PTPRM: variants seen among roughly 807,000 people sequenced by gnomAD.
PTPRM encodes the protein protein tyrosine phosphatase receptor type M, also known as receptor-type tyrosine-protein phosphatase mu.
Under a neutral mutation model 186.7 loss-of-function variants are expected in PTPRM, and 47 were observed. The observed-to-expected ratio is 0.25, with a 90% CI of 0.20 to 0.32. PTPRM has a LOEUF of 0.32. PTPRM is among the 10% of genes least tolerant of loss of function. The pLI is 1.00. For synonymous variants in PTPRM, 668 were observed against 674.9 expected, an observed-to-expected ratio of 0.99 and a Z score of 0.16; for missense variants, 1,494 against 1,865.0, an observed-to-expected ratio of 0.80 and a Z score of 3.66.
intron 23 of PTPRM, among the ~76,000 whole-genome samples, chr18:8,347,780 C>G (rs1320337900): frequency 2.0e-5 from 3 of 152,118 alleles, no homozygotes; most frequent in Admixed American, 6.5e-5. Flanking sequence ...AGTAACTCAA[C>G]CATTTCAGGT....
At chr18:8,325,780 A>G (rs1041311995) in intron 22 of PTPRM, among the ~76,000 whole-genome samples, 7 of 151,408 alleles carry the variant, frequency 4.6e-5, no homozygotes, top group African/African-American at 1.7e-4. Context: ...TGGCTGAACT[A>G]ATTTACATTC....
intron 1 of PTPRM, among the ~76,000 whole-genome samples, chr18:7,580,740 A>G (rs1224092649): frequency 1.3e-5 from 2 of 152,102 alleles, no homozygotes; most frequent in African/African-American, 2.4e-5. Flanking sequence ...TCCCAACCCA[A>G]CCATGTCATC....
chr18:7,592,435 G>C (rs979520971), intron 1 of PTPRM, among the ~76,000 whole-genome samples: 1 of 152,198 alleles, frequency 6.6e-6, no homozygotes, highest in Non-Finnish European at 1.5e-5. Context: ...TGCCCCAAGG[G>C]TGTCATCAAA....
intron 1 of PTPRM, among the ~76,000 whole-genome samples, chr18:7,594,310 GTC>G (rs1173078736): frequency 1.3e-5 from 2 of 152,036 alleles, no homozygotes; most frequent in African/African-American, 4.8e-5. Context: ...GTGAAACCCT[GTC>G]TCTACAAAAA....
intron 29 of PTPRM, among the ~76,000 whole-genome samples, chr18:8,380,909 G>C (rs540497338): frequency 2.6e-5 from 4 of 152,312 alleles, no homozygotes; most frequent in African/African-American, 9.6e-5. Flanking sequence ...TCGTCATGCA[G>C]GGCAGGTAGA....
At chr18:8,099,629 A>T (rs1394411705) in intron 11 of PTPRM, among the ~76,000 whole-genome samples, 1 of 152,166 alleles carries the variant, frequency 6.6e-6, no homozygotes, top group African/African-American at 2.4e-5. Flanking sequence ...GTCTTTTGCC[A>T]AACACAAAGA....
At chr18:8,357,304 A>T (rs963772868) in intron 23 of PTPRM, among the ~76,000 whole-genome samples, 17 of 152,254 alleles carry the variant, frequency 1.1e-4, no homozygotes, top group African/African-American at 4.1e-4. Flanking sequence ...CATAAAAGAT[A>T]TTCAGTCTGT....
chr18:7,974,938 A>G (rs566450521), intron 7 of PTPRM, among the ~76,000 whole-genome samples: 1 of 152,336 alleles, frequency 6.6e-6, no homozygotes, highest in African/African-American at 2.4e-5. Flanking sequence ...AAAGATCCTG[A>G]CTGGCTTCTA....
rs571681044 is a variant in PTPRM at position 7,579,835 on chromosome 18, C to T, written c.73+11944C>T. 6.3e-4 allele frequency among the ~76,000 whole-genome samples: 96 copies of T among 152,242 alleles called. 1 individual carries two copies. The highest frequency in any genetic ancestry group is 6.1e-3 in the Admixed American group (93 of 15,302). On this transcript the variant is annotated intron_variant, in intron 1 of 32. Coordinates refer to ENST00000580170, the MANE Select transcript of PTPRM (RefSeq NM_001105244.2). ...CTTCATGTTCATTGAAACATGTGAA[C>T]GTTGTGGAATGATTTGTCTTAGGTG...
At chr18:8,288,479 G>C (rs1436434268) in intron 19 of PTPRM, among the ~76,000 whole-genome samples, 1 of 152,176 alleles carries the variant, frequency 6.6e-6, no homozygotes, top group Non-Finnish European at 1.5e-5. Flanking sequence ...CCCACCGTCT[G>C]CTTCTTACAA....
At chr18:7,911,846 AT>A (rs57590269) in intron 4 of PTPRM, among the ~76,000 whole-genome samples, 2,658 of 80,640 alleles carry the variant, frequency 0.033, 18 homozygotes, top group African/African-American at 0.08. Context: ...TATGGTTTCA[AT>A]TTTTTTTTTT....
Position 8,135,488 on chromosome 18 carries a change from C to G in PTPRM, c.2168-8159C>G, listed in dbSNP as rs552846556. Among the ~76,000 whole-genome samples the G allele has an allele frequency of 2.0e-5, 3 of 152,026 alleles. No homozygotes were observed. The East Asian group carries it at 5.8e-4, about 29-fold the overall frequency. On this transcript the variant is annotated intron_variant, in intron 13 of 32. Transcript: ENST00000580170. ...CTGGGTCCTACCTCAGACCTTTGATCCAGAATCCACGGGGAACCCAGCCAT... is the reference window on the plus strand; with the variant it reads ...CTGGGTCCTACCTCAGACCTTTGATGCAGAATCCACGGGGAACCCAGCCAT...
chr18:8,121,741 A>C (rs1018865853), intron 13 of PTPRM: 4 of 152,204 alleles, frequency 2.6e-5, no homozygotes, highest in African/African-American at 9.6e-5. Context: ...TTAGTGAAAG[A>C]GTGTAATATT....
chr18:8,197,982 G>A (rs1381925943), intron 14 of PTPRM, among the ~76,000 whole-genome samples: 1 of 152,142 alleles, frequency 6.6e-6, no homozygotes, highest in Non-Finnish European at 1.5e-5. Flanking sequence ...AGTGACCTGA[G>A]TCTGATGGGT....
chr18:8,302,943 G>A (rs369151249), intron 20 of PTPRM, among the ~76,000 whole-genome samples: 3 of 152,114 alleles, frequency 2.0e-5, no homozygotes, highest in South Asian at 2.1e-4. Flanking sequence ...ATGCAAATGC[G>A]ATGCCAAGCA....
intron 1 of PTPRM, among the ~76,000 whole-genome samples, chr18:7,734,089 A>G (rs1031698804): frequency 6.6e-6 from 1 of 152,314 alleles, no homozygotes; most frequent in East Asian, 1.9e-4. Context: ...CCTACATCCA[A>G]AAGTAAAGCT....
Position 7,629,111 on chromosome 18 carries a change from G to A in PTPRM, c.73+61220G>A, listed in dbSNP as rs555837415. 6.6e-5 allele frequency among the ~76,000 whole-genome samples: 10 copies of A among 152,276 alleles called. No individual in the cohort carries two copies. In the South Asian group the frequency reaches 1.2e-3, roughly 19 times the overall value. The stretch of plus-strand genomic sequence containing the variant: ...GTACACTCATGGAAGCAGCCTCAGA[G>A]GAAAGCCATTAAGATGGCGGGGGTG... On this transcript the variant is annotated intron_variant, in intron 1 of 32. Transcript: ENST00000580170.
chr18:7,816,136 T>G (rs2044812873), intron 2 of PTPRM, among the ~76,000 whole-genome samples: 1 of 152,208 alleles, frequency 6.6e-6, no homozygotes, highest in South Asian at 2.1e-4. Context: ...GCTTGGCAGT[T>G]CCTTTACTCC....
chr18:7,925,424 T>TTTCTTTG (rs1452776450), intron 4 of PTPRM, among the ~76,000 whole-genome samples: 1 of 152,176 alleles, frequency 6.6e-6, no homozygotes, highest in Non-Finnish European at 1.5e-5. Flanking sequence ...AAATTAAGTT[T>TTTCTTTG]TTCTTTGTTC....
Sources: allele counts gnomAD v4.1 joint callset (sites outside exome capture counted in the v4.1 genomes callset), GRCh38; gene constraint gnomAD v4.1.1; transcripts MANE v1.5; gene names NCBI Gene and HGNC (gene_info 2026-07-23, HGNC 2026-07-21).